The following MALRD1 variants were observed in gnomAD, a reference collection of about 807,000 sequenced individuals.
The protein encoded by MALRD1 is MAM and LDL receptor class A domain containing 1, also known as MAM and LDL-receptor class A domain-containing protein 1.
MALRD1 carries 247 observed loss-of-function variants against 242.1 expected under a neutral mutation model. That is an observed-to-expected ratio of 1.02 (90% CI 0.92 to 1.13). The LOEUF is 1.13. Among genes scored for constraint, MALRD1 ranks in the 50% most tolerant of loss-of-function variants. The pLI, the probability that MALRD1 is intolerant of heterozygous loss-of-function variation, is 0.00. For synonymous variants in MALRD1, 995 were observed against 866.6 expected (o/e 1.15, Z -2.60); for missense variants, 2,989 against 2,533.1 (o/e 1.18, Z -3.86).
chr10:19,595,909 G>T (rs138512485), intron 34 of MALRD1, among the ~76,000 whole-genome samples: 2,768 of 152,260 alleles, frequency 0.018, 30 homozygotes, highest in Non-Finnish European at 0.03. Context: ...ATTGGATCTG[G>T]ATAATTACCT....
Position 19,655,564 on chromosome 10 carries a change from A to G in MALRD1, c.6138-36718A>G, listed in dbSNP as rs867315665. On this transcript the variant is annotated intron_variant, in intron 36 of 39. Coordinates refer to ENST00000454679, the MANE Select transcript of MALRD1 (RefSeq NM_001142308.3). ...TATATATATATATATATATATATAT[A>G]TATATATGGAGATAATTTTATTCAC... Among the ~76,000 whole-genome samples the G allele has an allele frequency of 4.7e-3, 624 of 131,888 alleles. 1 individual carries two copies. The highest frequency in any genetic ancestry group is 8.3e-3 in the South Asian group (34 of 4,078). The allele number at this position is 131,888 out of a possible 152,430, so 86.5% of individuals were successfully genotyped here.
At chr10:19,693,671 A>T (rs551834503) in intron 38 of MALRD1, among the ~76,000 whole-genome samples, 3 of 152,160 alleles carry the variant, frequency 2.0e-5, no homozygotes, top group Non-Finnish European at 2.9e-5. Context: ...TATAGATTCA[A>T]TGCCATCCCC....
intron 19 of MALRD1, among the ~76,000 whole-genome samples, chr10:19,271,908 G>A (rs8181378): frequency 0.071 from 10,793 of 152,216 alleles, 439 homozygotes; most frequent in East Asian, 0.17. Context: ...CACCTTGAGA[G>A]ATGAGCAATG....
rs1564421513 is a variant in MALRD1, at chr10:19,534,871, T to G, written c.5478+3520T>G. On this transcript the variant is annotated intron_variant, in intron 32 of 39. Transcript: ENST00000454679. The stretch of plus-strand genomic sequence containing the variant: ...TATATGCTATTTTATTTATAAAGTT[T>G]TTGTTGTTGTTGTTGTTGTTGTTTT... Among the ~76,000 whole-genome samples, 3 of 151,140 alleles carry G rather than the reference T, an allele frequency of 2.0e-5. No individual in the cohort carries two copies. In the East Asian group the frequency reaches 5.8e-4, roughly 29 times the overall value.
At chr10:19,321,131 G>A (rs1395910309) in intron 21 of MALRD1, among the ~76,000 whole-genome samples, 1 of 152,054 alleles carries the variant, frequency 6.6e-6, no homozygotes, top group Non-Finnish European at 1.5e-5. Flanking sequence ...TTCTTGTCAT[G>A]AAGTCTTTGC....
intron 36 of MALRD1, among the ~76,000 whole-genome samples, chr10:19,676,083 T>A (rs910917278): frequency 9.2e-5 from 14 of 152,184 alleles, no homozygotes; most frequent in Non-Finnish European, 1.8e-4. Flanking sequence ...AGTATGTTTC[T>A]TGGGGGAAGG....
chr10:19,151,138 A>G (rs1042327822), intron 11 of MALRD1, among the ~76,000 whole-genome samples: 8 of 152,122 alleles, frequency 5.3e-5, no homozygotes, highest in African/African-American at 1.7e-4. Flanking sequence ...TGGGTGTACA[A>G]TGATTTCTCA....
At chr10:19,068,862 T>A (rs916875839) in intron 2 of MALRD1, among the ~76,000 whole-genome samples, 1 of 152,104 alleles carries the variant, frequency 6.6e-6, no homozygotes, top group Non-Finnish European at 1.5e-5. Flanking sequence ...AGTGGCAAGT[T>A]TGAGAATCCA....
At chr10:19,195,402 G>A (rs999351090) in intron 14 of MALRD1, among the ~76,000 whole-genome samples, 1 of 151,922 alleles carries the variant, frequency 6.6e-6, no homozygotes, top group African/African-American at 2.4e-5. Context: ...CTTCACTACT[G>A]TAGAAAACTC....
At chr10:19,087,972 C>T in intron 3 of MALRD1, 38 bp downstream of exon 3, 1 of 1,232,176 alleles carries the variant, frequency 8.1e-7, no homozygotes, top group Non-Finnish European at 1.0e-6. Context: ...TATTTTGTCA[C>T]ATTTGGGGAC....
intron 36 of MALRD1, among the ~76,000 whole-genome samples, chr10:19,651,519 A>T (rs950703825): frequency 2.0e-5 from 3 of 152,212 alleles, no homozygotes; most frequent in African/African-American, 7.2e-5. Context: ...CGAAACCACA[A>T]TTATTCAGTT....
intron 28 of MALRD1, among the ~76,000 whole-genome samples, chr10:19,445,117 A>G (rs1209768803): frequency 1.3e-5 from 2 of 152,104 alleles, no homozygotes; most frequent in African/African-American, 2.4e-5. Context: ...AAGCTTGTGC[A>G]TGTATCACAT....
At chr10:19,302,076 A>T (rs1841975152) in intron 21 of MALRD1, among the ~76,000 whole-genome samples, 1 of 151,832 alleles carries the variant, frequency 6.6e-6, no homozygotes. Context: ...CTTCACATCC[A>T]CTAGGATGGC....
chr10:19,624,049 A>G (rs1402043444), intron 36 of MALRD1, among the ~76,000 whole-genome samples: 1 of 152,156 alleles, frequency 6.6e-6, no homozygotes, highest in Non-Finnish European at 1.5e-5. Context: ...AGAAACACAC[A>G]CTTTGCTAAT....
chr10:19,158,205 T>C (rs1834248847), intron 12 of MALRD1, among the ~76,000 whole-genome samples: 1 of 152,252 alleles, frequency 6.6e-6, no homozygotes, highest in African/African-American at 2.4e-5. Context: ...ATATTTGAGT[T>C]ACTGTGTAAG....
chr10:19,157,786 A>G (rs573943013), intron 12 of MALRD1, among the ~76,000 whole-genome samples: 1 of 152,284 alleles, frequency 6.6e-6, no homozygotes, highest in Admixed American at 6.5e-5. Context: ...TTCCTACATA[A>G]TCCTAGCAGA....
chr10:19,217,813 C>T (rs72786591), intron 18 of MALRD1, among the ~76,000 whole-genome samples: 10,249 of 152,104 alleles, frequency 0.067, 447 homozygotes, highest in Middle Eastern at 0.11. Context: ...CATGAGCCAC[C>T]GCTCCCAATC....
intron 21 of MALRD1, among the ~76,000 whole-genome samples, chr10:19,283,747 T>C (rs1840945531): frequency 6.6e-6 from 1 of 152,212 alleles, no homozygotes; most frequent in Non-Finnish European, 1.5e-5. Flanking sequence ...CTGTAATGAC[T>C]TTCAACAATT....
intron 21 of MALRD1, among the ~76,000 whole-genome samples, chr10:19,299,653 G>T (rs1041221719): frequency 1.3e-4 from 19 of 151,862 alleles, no homozygotes; most frequent in African/African-American, 4.6e-4. Flanking sequence ...TGCAGAAAAG[G>T]CTTTCCATAA....
Sources: allele counts gnomAD v4.1 joint callset (sites outside exome capture counted in the v4.1 genomes callset), GRCh38; gene constraint gnomAD v4.1.1; transcripts MANE v1.5; gene names NCBI Gene and HGNC (gene_info 2026-07-23, HGNC 2026-07-21).